ANK3: variants seen among roughly 807,000 people sequenced by gnomAD.
ANK3 encodes ankyrin-3.
In ANK3, 57 loss-of-function variants were observed where a neutral mutation model predicts 370.9. The observed-to-expected ratio is 0.15, with a 90% CI of 0.12 to 0.19. ANK3 has a LOEUF of 0.19. Among genes scored for constraint, ANK3 ranks in the 10% least tolerant of loss-of-function variants. ANK3 has a pLI of 1.00. For synonymous variants in ANK3, 1,929 were observed against 1,946.3 expected (o/e 0.99, Z 0.23); for missense variants, 4,439 against 5,302.1 (o/e 0.84, Z 5.06).
intron 2 of ANK3, among the ~76,000 whole-genome samples, chr10:60,456,350 T>C (rs190335061): frequency 5.1e-4 from 77 of 152,262 alleles, no homozygotes; most frequent in Non-Finnish European, 9.6e-4. Flanking sequence ...GTCAAAAATA[T>C]CTCATCAAGC....
chr10:60,508,640 G>A (rs2076000382), intron 2 of ANK3: 3 of 152,604 alleles, frequency 2.0e-5, no homozygotes, highest in Admixed American at 2.0e-4. Context: ...AAAAGGAAAA[G>A]CAGAGGTTTA....
chr10:60,107,066 A>G (rs1439750841), intron 27 of ANK3, among the ~76,000 whole-genome samples: 1 of 152,190 alleles, frequency 6.6e-6, no homozygotes, highest in Non-Finnish European at 1.5e-5. Flanking sequence ...CAAATAATAT[A>G]AATAAAAACA....
chr10:60,351,328 T>C (rs917224108), intron 1 of ANK3, among the ~76,000 whole-genome samples: 2 of 152,128 alleles, frequency 1.3e-5, no homozygotes, highest in Non-Finnish European at 2.9e-5. Context: ...TGGTTCCCCT[T>C]CCTTCACTAT....
intron 2 of ANK3, among the ~76,000 whole-genome samples, chr10:60,594,255 A>C (rs2077956893): frequency 1.3e-5 from 2 of 152,114 alleles, no homozygotes; most frequent in Non-Finnish European, 2.9e-5. Context: ...TTCTTTGTAA[A>C]GATTGTTATA....
intron 7 of ANK3, among the ~76,000 whole-genome samples, chr10:60,257,640 A>G (rs1592599223): frequency 6.6e-6 from 1 of 152,256 alleles, no homozygotes; most frequent in Admixed American, 6.5e-5. Flanking sequence ...TTCCCTTTCC[A>G]CTATATATAT....
intron 4 of ANK3, among the ~76,000 whole-genome samples, chr10:60,276,899 C>T (rs530211383): frequency 6.6e-6 from 1 of 152,270 alleles, no homozygotes; most frequent in Admixed American, 6.5e-5. Context: ...GAAAAACATC[C>T]GTTTAAAAGC....
At chr10:60,063,663 G>A (rs554498805) in intron 39 of ANK3, among the ~76,000 whole-genome samples, 1 of 152,276 alleles carries the variant, frequency 6.6e-6, no homozygotes, top group South Asian at 2.1e-4. Flanking sequence ...CATTGTTGTG[G>A]GTTGGCACTT....
intron 1 of ANK3, among the ~76,000 whole-genome samples, chr10:60,314,744 T>A (rs1317058760): frequency 1.3e-5 from 2 of 152,166 alleles, no homozygotes; most frequent in Admixed American, 6.5e-5. Flanking sequence ...CTGGCTCAAG[T>A]TGACAGGTGC....
At chr10:60,083,695 T>C (rs2085873635) in intron 32 of ANK3, 78 bp from the exon 33 acceptor site, 9 of 1,246,734 alleles carry the variant, frequency 7.2e-6, no homozygotes, top group South Asian at 1.4e-5. Context: ...CACGTAACGT[T>C]AAAAGACTGA....
At chr10:60,272,917 C>T (rs1394394950) in intron 4 of ANK3, among the ~76,000 whole-genome samples, 1 of 152,186 alleles carries the variant, frequency 6.6e-6, no homozygotes, top group Non-Finnish European at 1.5e-5. Flanking sequence ...CTAAGAAACA[C>T]TAGTCTATCC....
At chr10:60,265,498 G>A (rs187982454) in intron 5 of ANK3, among the ~76,000 whole-genome samples, 1 of 152,254 alleles carries the variant, frequency 6.6e-6, no homozygotes, top group East Asian at 1.9e-4. Context: ...AAACAGCACA[G>A]GGTAGAAAAA....
intron 42 of ANK3, 120 bp downstream of exon 42, chr10:60,055,538 A>ACAT: frequency 7.7e-7 from 1 of 1,303,900 alleles, no homozygotes; most frequent in Non-Finnish European, 1.0e-6. Flanking sequence ...ACAATTTCAC[A>ACAT]CATTTATAAT....
chr10:60,602,594 G>T (rs1271572306), intron 2 of ANK3, among the ~76,000 whole-genome samples: 1 of 152,036 alleles, frequency 6.6e-6, no homozygotes, highest in African/African-American at 2.4e-5. Context: ...GTAATCAGAG[G>T]TTCTTAAATT....
intron 2 of ANK3, among the ~76,000 whole-genome samples, chr10:60,436,912 A>G (rs1307600641): frequency 2.6e-5 from 4 of 152,252 alleles, no homozygotes; most frequent in Admixed American, 1.3e-4. Flanking sequence ...ACAGAACAAC[A>G]GATTTAATCA....
chr10:60,152,833 C>T (rs1335187132), intron 23 of ANK3, among the ~76,000 whole-genome samples: 1 of 152,168 alleles, frequency 6.6e-6, no homozygotes, highest in South Asian at 2.1e-4. Context: ...CCCCTCTTAC[C>T]TCCTCAAGGT....
chr10:60,091,713 G>C (rs2132038241), intron 28 of ANK3, among the ~76,000 whole-genome samples: 1 of 151,090 alleles, frequency 6.6e-6, no homozygotes, highest in South Asian at 2.1e-4. Flanking sequence ...CTTTATAGGG[G>C]AAAATGTAAT....
intron 1 of ANK3, among the ~76,000 whole-genome samples, chr10:60,281,894 G>T (rs1230234272): frequency 6.6e-6 from 1 of 152,278 alleles, no homozygotes; most frequent in East Asian, 1.9e-4. Flanking sequence ...AGAGCAGAGG[G>T]TTAAGCAGAT....
intron 1 of ANK3, among the ~76,000 whole-genome samples, chr10:60,729,403 C>T (rs140808998): frequency 6.6e-6 from 1 of 152,308 alleles, no homozygotes; most frequent in Non-Finnish European, 1.5e-5. Context: ...ACCAATAAAT[C>T]ACCATAGTTA....
At chr10:60,392,656 C>T (rs1490000462), upstream of ANK3, among the ~76,000 whole-genome samples, 1 of 152,132 alleles carries the variant, frequency 6.6e-6, no homozygotes, top group African/African-American at 2.4e-5. Flanking sequence ...ATGCCGGGCG[C>T]GGTGGCTCAT....
Sources: gnomAD v4.1 joint callset for allele counts (sites outside exome capture counted in the v4.1 genomes callset) on GRCh38, gnomAD v4.1.1 for gene constraint, MANE v1.5 for transcripts, NCBI Gene and HGNC (gene_info 2026-07-23, HGNC 2026-07-21) for gene names.